The following IFFO2 variants were observed in gnomAD, a reference collection of about 807,000 sequenced individuals.
IFFO2 encodes the protein intermediate filament family orphan 2.
Under a neutral mutation model 53.5 loss-of-function variants are expected in IFFO2, and 19 were observed. The observed-to-expected ratio is 0.36, with a 90% CI of 0.25 to 0.52. The LOEUF (loss-of-function observed/expected upper bound fraction) is 0.52, where lower values mean the gene tolerates loss of function less well. IFFO2 is among the 20% of genes least tolerant of loss of function. IFFO2 has a pLI of 0.94. For synonymous variants in IFFO2, 303 were observed against 313.6 expected (o/e 0.97, Z 0.36); for missense variants, 570 against 727.4 (o/e 0.78, Z 2.49).
chr1:18,946,378 T>C (rs190869362), intron 1 of IFFO2, among the ~76,000 whole-genome samples: 48 of 152,024 alleles, frequency 3.2e-4, no homozygotes, highest in Admixed American at 8.5e-4. Context: ...GGAACCTGAC[T>C]TCCTGCGGTC....
chr1:18,937,810 T>G (rs569017662), intron 1 of IFFO2, among the ~76,000 whole-genome samples: 17 of 152,200 alleles, frequency 1.1e-4, no homozygotes, highest in African/African-American at 4.1e-4. Flanking sequence ...GGATGGAGGG[T>G]CCTCCGAGGG....
chr1:18,950,848 C>T (rs1041458650), intron 1 of IFFO2, among the ~76,000 whole-genome samples: 1 of 152,246 alleles, frequency 6.6e-6, no homozygotes, highest in East Asian at 1.9e-4. Flanking sequence ...CAGCCCAGCC[C>T]CTTCCGGCTC....
intron 1 of IFFO2, among the ~76,000 whole-genome samples, chr1:18,932,446 C>A (rs552736373): frequency 1.4e-4 from 21 of 152,352 alleles, no homozygotes; most frequent in African/African-American, 3.8e-4. Context: ...CTGACCCCCC[C>A]AGACTGGGAT....
intron 1 of IFFO2, among the ~76,000 whole-genome samples, chr1:18,921,365 A>C (rs1009853732): frequency 3.3e-5 from 5 of 152,178 alleles, no homozygotes; most frequent in Non-Finnish European, 7.3e-5. Flanking sequence ...TTAAGGTATG[A>C]GCCCAGCACT....
chr1:18,905,090 G>A lies in IFFO2; in HGVS notation c.*3471C>T, dbSNP rs1426251710. ...TAATTAATCAGAGCCTATCCCCAGA[G>A]CCCAGCTTGTTCCCTCCCTAATGCG... On this transcript the variant is annotated 3_prime_UTR_variant, in exon 9 of 9. Coordinates refer to ENST00000455833, the MANE Select transcript of IFFO2 (RefSeq NM_001136265.2). The A allele has an allele frequency of 3.3e-5, 5 of 152,152 alleles. No homozygotes were observed. In the East Asian group the frequency reaches 7.7e-4, roughly 23 times the overall value. The allele number at this position is 152,152 out of a possible 1,614,324, so 9.4% of individuals were successfully genotyped here. A position where few individuals can be genotyped will look rare whatever the true frequency, so the allele number is the denominator to read the frequency against.
rs1936718220 is a variant in IFFO2 at position 18,955,859 on chromosome 1, G to A, written c.474C>T (p.Pro158=). The A allele has an allele frequency of 2.1e-6, 3 of 1,457,090 alleles. No homozygotes were observed. The highest frequency in any genetic ancestry group is 2.7e-5 in the South Asian group (2 of 74,182). 90.3% of individuals were successfully genotyped at this position (1,457,090 alleles called of 1,614,324 possible). A position where few individuals can be genotyped will look rare whatever the true frequency, so the allele number is the denominator to read the frequency against. ...CCTGCGTGTAGCTCCAGATGGTCCCGGGCAGGCGGCCGTAGTGCTGCGGGT... is the reference window on the plus strand; with the variant it reads ...CCTGCGTGTAGCTCCAGATGGTCCCAGGCAGGCGGCCGTAGTGCTGCGGGT... ...GSHPQHYGRL[P]GTIWSYTQVR... The change falls in exon 1 of 9, where the codon CCC becomes CCT. Residue 158 remains proline, a synonymous_variant. Coordinates refer to ENST00000455833, the MANE Select transcript of IFFO2 (RefSeq NM_001136265.2).
intron 5 of IFFO2, among the ~76,000 whole-genome samples, chr1:18,913,875 G>A (rs1250727150): frequency 6.6e-6 from 1 of 152,196 alleles, no homozygotes; most frequent in East Asian, 1.9e-4. Flanking sequence ...CTGTCGCCCA[G>A]GCTGGAGTGC....
intron 1 of IFFO2, among the ~76,000 whole-genome samples, chr1:18,954,808 A>C (rs1380148316): frequency 6.6e-6 from 1 of 152,174 alleles, no homozygotes; most frequent in African/African-American, 2.4e-5. Flanking sequence ...CAGAGTCTGG[A>C]CCCCAGTTCT....
At position 18,916,996 on chromosome 1, in the gene IFFO2, A is replaced by G. The variant is rs769210380; in HGVS notation, c.1010T>C (p.Ile337Thr). The change falls in exon 5 of 9, where the codon ATC becomes ACC. Residue 337 changes from isoleucine (I) to threonine (T), a missense_variant. Ile to Thr is a moderately conservative substitution (Grantham distance 89, BLOSUM62 -1). Coordinates refer to ENST00000455833, the MANE Select transcript of IFFO2 (RefSeq NM_001136265.2). This position sits in a 1 kb window ranked among gnomAD's most constrained non-coding sequence, Gnocchi z 4.3. ...GTTCACCTCCCCGTCCTGCTCAGAG[A>G]TGTCATCATCGGAAGCCACCTTACG... ...KERKVASDDD[I>T]SEQDGEVNRF... The G allele has an allele frequency of 2.4e-5, 38 of 1,552,076 alleles. No individual in the cohort carries two copies. The highest frequency in any genetic ancestry group is 3.1e-5 in the Non-Finnish European group (35 of 1,147,112).
At chr1:18,909,031 A>T (rs1461105345) in intron 8 of IFFO2, among the ~76,000 whole-genome samples, 4 of 151,504 alleles carry the variant, frequency 2.6e-5, no homozygotes, top group Non-Finnish European at 5.9e-5. Flanking sequence ...TATGGTTAAC[A>T]TCACTGGGGT....
At chr1:18,945,854 G>GACCATTC (rs1936581142) in intron 1 of IFFO2, among the ~76,000 whole-genome samples, 1 of 152,208 alleles carries the variant, frequency 6.6e-6, no homozygotes, top group Admixed American at 6.5e-5. Context: ...CACGCAACAT[G>GACCATTC]ACCATTCCCA....
At position 18,927,449 on chromosome 1, in the gene IFFO2, GCAC is replaced by G. The variant is rs1368780710; in HGVS notation, c.666-6331_666-6329del. Among the ~76,000 whole-genome samples, 5 of 152,364 alleles carry G rather than the reference GCAC, an allele frequency of 3.3e-5. No individual in the cohort carries two copies. The East Asian group carries it at 7.7e-4, about 24-fold the overall frequency. On this transcript the variant is annotated intron_variant, in intron 1 of 8. Transcript: ENST00000455833. ...TTCCTTCCCGGCGGGTGGAGGGCTG[GCAC>G]CTTCTCAGCTCCACCCTGGCCTCGG... is the stretch of plus-strand genomic sequence containing the variant.
rs952717068 is a variant in IFFO2, at chr1:18,904,988, A to G, written c.*3573T>C. 6 of 152,280 alleles carry G rather than the reference A, an allele frequency of 3.9e-5. No individual in the cohort carries two copies. Among genetic ancestry groups the G allele is most frequent in the African/African-American group, 1.4e-4 (6 of 41,434 alleles). The allele number at this position is 152,280 out of a possible 1,614,324, so 9.4% of individuals were successfully genotyped here. ...AAGTCGTGTGCTCCCACTGTCACCC[A>G]TGCTCTGCTGCCTCCCAACCCTCTC... On this transcript the variant is annotated 3_prime_UTR_variant, in exon 9 of 9. Transcript: ENST00000455833.
In IFFO2 at chr1:18,928,841, G is replaced by A. The variant is rs953482708; in HGVS notation, c.666-7720C>T. On this transcript the variant is annotated intron_variant, in intron 1 of 8. Transcript: ENST00000455833. The surrounding 1 kb of genome is among the most constrained non-coding windows in gnomAD (Gnocchi z 4.9). ...ATGACATTTGCAGTGTTATTTGCACGCCCTGGATAGGGCCCTTCCTTGGAG... is the reference window on the plus strand; with the variant it reads ...ATGACATTTGCAGTGTTATTTGCACACCCTGGATAGGGCCCTTCCTTGGAG... 1.2e-4 allele frequency among the ~76,000 whole-genome samples: 18 copies of A among 152,130 alleles called. No homozygotes were observed. Among genetic ancestry groups the A allele is most frequent in the African/African-American group, 4.1e-4 (17 of 41,454 alleles).
chr1:18,948,508 G>C (rs969394263), intron 1 of IFFO2, among the ~76,000 whole-genome samples: 1 of 152,218 alleles, frequency 6.6e-6, no homozygotes, highest in South Asian at 2.1e-4. Context: ...CAGGTTTACT[G>C]TTGGGTGAAA....
intron 5 of IFFO2, among the ~76,000 whole-genome samples, chr1:18,914,932 A>T (rs1169171331): frequency 6.6e-6 from 1 of 152,094 alleles, no homozygotes; most frequent in African/African-American, 2.4e-5. Context: ...ATCACCCTTA[A>T]ATAGCAAACC....
Position 18,916,827 on chromosome 1 carries a change from C to T in IFFO2, c.1103+76G>A. The T allele has an allele frequency of 8.0e-6, 12 of 1,504,258 alleles. No homozygotes were observed. The highest frequency in any genetic ancestry group is 9.0e-6 in the Non-Finnish European group (10 of 1,110,942). The allele number at this position is 1,504,258 out of a possible 1,614,324, so 93.2% of individuals were successfully genotyped here. ...TTCCAGTGCTGCAGGCTACTCTCAG[C>T]CCAAGCCTCCCATTCACCGCCCCTG... On this transcript the variant is annotated intron_variant, in intron 5 of 8. Coordinates refer to ENST00000455833, the MANE Select transcript of IFFO2 (RefSeq NM_001136265.2). The surrounding 1 kb of genome is among the most constrained non-coding windows in gnomAD (Gnocchi z 4.3).
chr1:18,907,835 GTTTGT>G lies in IFFO2; in HGVS notation c.*721_*725del, dbSNP rs1435805513. The G allele has an allele frequency of 7.1e-6, 1 of 141,580 alleles. No individual in the cohort carries two copies. Among genetic ancestry groups the G allele is most frequent in the Non-Finnish European group, 1.5e-5 (1 of 68,034 alleles). 8.8% of individuals were successfully genotyped at this position (141,580 alleles called of 1,614,324 possible). A position where few individuals can be genotyped will look rare whatever the true frequency, so the allele number is the denominator to read the frequency against. ...TGATATAAGGCAAGCTGCTTTTGTT[GTTTGT>G]TTTGTTTTTTGCATAGTAGTTTAAA... On this transcript the variant is annotated 3_prime_UTR_variant, in exon 9 of 9. Coordinates refer to ENST00000455833, the MANE Select transcript of IFFO2 (RefSeq NM_001136265.2).
chr1:18,914,036 T>C (rs1936092873), intron 5 of IFFO2, among the ~76,000 whole-genome samples: 1 of 152,128 alleles, frequency 6.6e-6, no homozygotes, highest in Non-Finnish European at 1.5e-5. Context: ...TTTCACCGTG[T>C]TAGCCAGGAT....
Sources: gnomAD v4.1 joint callset for allele counts (sites outside exome capture counted in the v4.1 genomes callset) on GRCh38, gnomAD v4.1.1 for gene constraint, Gnocchi (gnomAD v3.1) non-coding constraint, MANE v1.5 for transcripts, NCBI Gene and HGNC (gene_info 2026-07-23, HGNC 2026-07-21) for gene names.